RAB37: variants seen among roughly 807,000 people sequenced by gnomAD.
The protein encoded by RAB37 is RAB37, member RAS oncogene family, also known as ras-related protein Rab-37.
RAB37 carries 29 observed loss-of-function variants against 33.1 expected under a neutral mutation model. That is an observed-to-expected ratio of 0.88 (90% CI 0.65 to 1.20). The LOEUF (loss-of-function observed/expected upper bound fraction) is 1.20, where lower values mean the gene tolerates loss of function less well. RAB37 is among the 50% of genes most tolerant of loss of function. The pLI, the probability that RAB37 is intolerant of heterozygous loss-of-function variation, is 0.00. For synonymous variants in RAB37, 128 were observed against 119.5 expected, an observed-to-expected ratio of 1.07 and a Z score of -0.47; for missense variants, 299 against 301.1, an observed-to-expected ratio of 0.99 and a Z score of 0.05.
intron 1 of RAB37, among the ~76,000 whole-genome samples, chr17:74,721,883 TCTAAGCCAG>T (rs2034245385): frequency 6.6e-6 from 1 of 152,162 alleles, no homozygotes; most frequent in South Asian, 2.1e-4. Context: ...TTTCCCCAAA[TCTAAGCCAG>T]TACTGACCAT....
chr17:74,729,326 T>C lies in RAB37; in HGVS notation c.143T>C (p.Ile48Thr). ...GTTCAGTTCGATCAGGGCAAGTTCATCCCCGGCTCCTTCTCGGCCACTGTG... is the reference window on the plus strand; with the variant it reads ...GTTCAGTTCGATCAGGGCAAGTTCACCCCCGGCTCCTTCTCGGCCACTGTG... The change falls in exon 2 of 8, where the codon ATC becomes ACC. Residue 48 changes from isoleucine (I) to threonine (T), a missense_variant. By Grantham distance (89) the Ile-to-Thr change is moderately conservative (BLOSUM62 -1). Transcript: ENST00000340415. This position sits in a 1 kb window ranked among gnomAD's most constrained non-coding sequence, Gnocchi z 4.2. 7.4e-6 allele frequency: 12 copies of C among 1,613,976 alleles called. No homozygotes were observed. Among genetic ancestry groups the C allele is most frequent in the Non-Finnish European group, 7.6e-6 (9 of 1,179,972 alleles).
upstream of RAB37, among the ~76,000 whole-genome samples, chr17:74,735,018 G>GAAGA (rs562187740): frequency 0.06 from 4,910 of 82,132 alleles, 186 homozygotes; most frequent in African/African-American, 0.077. Flanking sequence ...AGGAAGGAAG[G>GAAGA]AAGAAAGAAA....
At chr17:74,687,214 T>TTTTATTTA (rs530119456) in intron 1 of RAB37, among the ~76,000 whole-genome samples, 2 of 151,394 alleles carry the variant, frequency 1.3e-5, no homozygotes, top group African/African-American at 2.4e-5. Context: ...TTTATTTTAT[T>TTTTATTTA]TTTATTTATT....
Position 74,730,453 on chromosome 17 carries a change from C to T in RAB37, c.183+1087C>T, listed in dbSNP as rs536004444. Reference sequence around the variant, plus strand: ...CTGCATGACCTTCCAGGAGGCAAAGCGGAAGTGAGTGCCTGGTTCGGGTGT... The same window carrying T: ...CTGCATGACCTTCCAGGAGGCAAAGTGGAAGTGAGTGCCTGGTTCGGGTGT... On this transcript the variant is annotated intron_variant, in intron 2 of 7. Coordinates refer to the RAB37 transcript ENST00000340415. This position sits in a 1 kb window ranked among gnomAD's most constrained non-coding sequence, Gnocchi z 4.4. Among the ~76,000 whole-genome samples, 2 of 152,140 alleles carry T rather than the reference C, an allele frequency of 1.3e-5. No homozygotes were observed. The highest frequency in any genetic ancestry group is 1.3e-4 in the Admixed American group (2 of 15,288).
At chr17:74,694,726 C>G (rs748472492) in intron 1 of RAB37, 2 of 168,354 alleles carry the variant, frequency 1.2e-5, no homozygotes, top group Non-Finnish European at 2.5e-5. Flanking sequence ...CTTTGGGGGC[C>G]ATTATTCAGC....
At chr17:74,711,443 TTACATGCTGAAACTCGGGGCCAAGTG>T (rs1442035352) in intron 1 of RAB37, among the ~76,000 whole-genome samples, 1 of 152,222 alleles carries the variant, frequency 6.6e-6, no homozygotes, top group Admixed American at 6.5e-5. Flanking sequence ...CCTTCTCCAC[TTACATGCTGAAACTCGGGGCCAAGTG>T]TCCATGAGCC....
At chr17:74,743,429 G>A (rs929497167) in intron 5 of RAB37, 89 bp downstream of exon 5, 33 of 1,359,244 alleles carry the variant, frequency 2.4e-5, no homozygotes, top group Middle Eastern at 1.8e-4. Context: ...TGTGGAAAGC[G>A]GGTGGAGCGT....
intron 1 of RAB37, among the ~76,000 whole-genome samples, chr17:74,719,107 C>T (rs932321111): frequency 4.6e-5 from 7 of 152,066 alleles, no homozygotes; most frequent in Non-Finnish European, 7.4e-5. Flanking sequence ...GAGACATGGC[C>T]GAAAATACCA....
intron 1 of RAB37, among the ~76,000 whole-genome samples, chr17:74,675,212 G>A (rs1026484349): frequency 6.6e-5 from 10 of 152,036 alleles, no homozygotes; most frequent in African/African-American, 2.2e-4. Context: ...CAAGGAGGAT[G>A]AATCATGAGG....
At chr17:74,687,341 G>A (rs978104433) in intron 1 of RAB37, among the ~76,000 whole-genome samples, 1 of 151,594 alleles carries the variant, frequency 6.6e-6, no homozygotes, top group South Asian at 2.1e-4. Flanking sequence ...CTCCTTTCTC[G>A]GCCTCCCAAG....
chr17:74,705,622 C>A (rs955089535), intron 1 of RAB37, among the ~76,000 whole-genome samples: 1 of 151,772 alleles, frequency 6.6e-6, no homozygotes, highest in African/African-American at 2.4e-5. Context: ...CTCACTCTGT[C>A]GCCCAGGCTG....
chr17:74,740,017 G>A (rs1175341445), intron 1 of RAB37, among the ~76,000 whole-genome samples: 3 of 151,896 alleles, frequency 2.0e-5, no homozygotes, highest in African/African-American at 4.8e-5. Context: ...TTAGCCAGGC[G>A]AGGTGGTGCA....
upstream of RAB37, chr17:74,736,866 G>A: frequency 6.6e-7 from 1 of 1,518,438 alleles, no homozygotes; most frequent in Non-Finnish European, 8.8e-7. Context: ...GCCACCTGGG[G>A]ACAGCCCACG....
intron 1 of RAB37, chr17:74,696,164 C>T: frequency 1.3e-6 from 2 of 1,587,816 alleles, no homozygotes; most frequent in Non-Finnish European, 8.5e-7. Flanking sequence ...GCTGCCTGGT[C>T]TCTCTGGTCC....
intron 1 of RAB37, among the ~76,000 whole-genome samples, chr17:74,697,145 T>C (rs1444092726): frequency 6.6e-6 from 1 of 152,188 alleles, no homozygotes; most frequent in Non-Finnish European, 1.5e-5. Context: ...GGTTTCACCA[T>C]GTTGGCCAGG....
At chr17:74,737,226 C>T (rs553827335), upstream of RAB37, 58 of 1,536,660 alleles carry the variant, frequency 3.8e-5, 1 homozygote, top group South Asian at 6.4e-4. Context: ...CGTTCCTGCG[C>T]TCTCCTTCGC....
chr17:74,672,985 A>G, intron 1 of RAB37: 1 of 152,222 alleles, frequency 6.6e-6, no homozygotes, highest in East Asian at 1.9e-4. Context: ...CTGAATTCCT[A>G]GGATATAGAG....
rs2031826407 is a variant in RAB37 at position 74,676,072 on chromosome 17, G to A, written c.72+4414G>A. Among the ~76,000 whole-genome samples, 1 of 152,188 alleles carries A rather than the reference G, an allele frequency of 6.6e-6. No homozygotes were observed. The highest frequency in any genetic ancestry group is 2.1e-4 in the South Asian group (1 of 4,832). Reference sequence around the variant, plus strand: ...CCATCCAGGGCAATGGTCTGGGGTAGGGGTTCAGGAACAGCCCACGGATTG... The same window carrying A: ...CCATCCAGGGCAATGGTCTGGGGTAAGGGTTCAGGAACAGCCCACGGATTG... On this transcript the variant is annotated intron_variant, in intron 1 of 7. Transcript: ENST00000340415. The surrounding 1 kb of genome is among the most constrained non-coding windows in gnomAD (Gnocchi z 4.1).
intron 1 of RAB37, among the ~76,000 whole-genome samples, chr17:74,693,447 T>C (rs1371779632): frequency 6.6e-6 from 1 of 152,050 alleles, no homozygotes; most frequent in Non-Finnish European, 1.5e-5. Flanking sequence ...AGGTCTGTGC[T>C]TGGAAAAGAT....
Sources: gnomAD v4.1 joint callset for allele counts (sites outside exome capture counted in the v4.1 genomes callset) on GRCh38, gnomAD v4.1.1 for gene constraint, Gnocchi (gnomAD v3.1) non-coding constraint, MANE v1.5 for transcripts, NCBI Gene and HGNC (gene_info 2026-07-23, HGNC 2026-07-21) for gene names.